VCAN: variants seen among roughly 807,000 people sequenced by gnomAD.
The protein encoded by VCAN is versican.
In VCAN, 44 loss-of-function variants were observed where a neutral mutation model predicts 245.5. That is an observed-to-expected ratio of 0.18 (90% CI 0.14 to 0.23). The LOEUF (loss-of-function observed/expected upper bound fraction) is 0.23, where lower values mean the gene tolerates loss of function less well. Among genes scored for constraint, VCAN ranks in the 10% least tolerant of loss-of-function variants. The probability of loss-of-function intolerance (pLI) is 1.00; values close to 1 mark genes in which losing one functional copy is unlikely to be tolerated. For missense variants in VCAN, 3,793 were observed against 4,057.9 expected (o/e 0.93, Z 1.77); for synonymous variants, 1,413 against 1,437.0 (o/e 0.98, Z 0.38).
intron 12 of VCAN, among the ~76,000 whole-genome samples, chr5:83,559,343 C>T (rs1747779170): frequency 6.6e-6 from 1 of 152,032 alleles, no homozygotes; most frequent in African/African-American, 2.4e-5. Context: ...GAACTCTTGT[C>T]GCTCCCTTAA....
intron 12 of VCAN, among the ~76,000 whole-genome samples, chr5:83,566,120 C>T (rs575251754): frequency 6.6e-6 from 1 of 151,896 alleles, no homozygotes; most frequent in Admixed American, 6.6e-5. Flanking sequence ...CCATGCCTGG[C>T]CAATTTTTTT....
rs1449839719 is a variant in VCAN, at chr5:83,539,267, TCCC to T, written c.6266_6268del (p.Pro2089del). On this transcript the variant is annotated inframe_deletion, in exon 8 of 15. Transcript: ENST00000265077. ...TCAGTGGCACAGTTTCAACAAACTT[TCCC>T]CAAACTATAGAGCCAGCCAAATTAT... is the stretch of plus-strand genomic sequence containing the variant. 6 of 1,613,964 alleles carry T rather than the reference TCCC, an allele frequency of 3.7e-6. No individual in the cohort carries two copies. The highest frequency in any genetic ancestry group is 5.1e-6 in the Non-Finnish European group (6 of 1,179,956).
At chr5:83,473,029 T>C (rs899201286) in intron 1 of VCAN, among the ~76,000 whole-genome samples, 1 of 152,162 alleles carries the variant, frequency 6.6e-6, no homozygotes, top group Non-Finnish European at 1.5e-5. Context: ...TTTCCTTACA[T>C]ATTCCCCACC....
At chr5:83,566,678 A>G (rs1304124815) in intron 12 of VCAN, among the ~76,000 whole-genome samples, 1 of 152,156 alleles carries the variant, frequency 6.6e-6, no homozygotes, top group Non-Finnish European at 1.5e-5. Context: ...TGAGTGAGAA[A>G]AATAGTCAAA....
At chr5:83,495,250 G>A (rs1465756879) in intron 5 of VCAN, among the ~76,000 whole-genome samples, 2 of 152,110 alleles carry the variant, frequency 1.3e-5, no homozygotes, top group Non-Finnish European at 2.9e-5. Context: ...TCTGTGAATT[G>A]AATAAGCAAT....
Position 83,572,419 on chromosome 5 carries a change from T to C in VCAN, c.9739T>C (p.Tyr3247His), listed in dbSNP as rs1748320663. The change falls in exon 13 of 15, where the codon TAC becomes CAC. Residue 3247 changes from tyrosine (Y) to histidine (H), a missense_variant. By Grantham distance (83) the Tyr-to-His change is moderately conservative (BLOSUM62 2). This residue lies in a region of VCAN where 205 missense variants were observed against 321.1 expected (regional missense o/e 0.64). Transcript: ENST00000265077. ...FRWTDGSTLQ[Y>H]ENWRPNQPDS... The stretch of plus-strand genomic sequence containing the variant: ...CCTTCTCCCTCCATTTTTACAGCAA[T>C]ACGAGAATTGGAGACCCAACCAGCC... 1 of 1,613,684 alleles carries C rather than the reference T, an allele frequency of 6.2e-7. No homozygotes were observed. Among genetic ancestry groups the C allele is most frequent in the African/African-American group, 1.3e-5 (1 of 74,898 alleles).
In VCAN at chr5:83,521,869, C is replaced by T. The variant is rs893124905; in HGVS notation, c.3563C>T (p.Pro1188Leu). Residue 1188 changes from proline (P) to leucine (L), a missense_variant, in exon 7 of 15, where the codon CCC becomes CTC. By Grantham distance (98) the Pro-to-Leu change is moderately conservative. This residue lies in a region of VCAN where 3,182 missense variants were observed against 3,250.3 expected (regional missense o/e 0.98). Coordinates refer to ENST00000265077, the MANE Select transcript of VCAN (RefSeq NM_004385.5). ...IDLGSGLFEK[P>L]KATELIEFST... ...TTAGGCTCAGGATTATTTGAAAAGC[C>T]CAAAGCCACAGAACTCATAGAATTT... The T allele has an allele frequency of 3.7e-6, 6 of 1,614,116 alleles. No individual in the cohort carries two copies. Among genetic ancestry groups the T allele is most frequent in the Non-Finnish European group, 5.1e-6 (6 of 1,180,030 alleles).
At chr5:83,572,200 C>G (rs1161281285) in intron 12 of VCAN, among the ~76,000 whole-genome samples, 2 of 151,974 alleles carry the variant, frequency 1.3e-5, no homozygotes, top group East Asian at 1.9e-4. Context: ...TATCTCATTG[C>G]CAAATAGTAG....
intron 12 of VCAN, among the ~76,000 whole-genome samples, chr5:83,562,551 C>T (rs1747906329): frequency 6.6e-6 from 1 of 152,028 alleles, no homozygotes; most frequent in Admixed American, 6.6e-5. Context: ...AGTGCAGTAG[C>T]ATCTCACAGA....
rs1228842387 is a variant in VCAN, at chr5:83,519,948, T to C, written c.1642T>C (p.Tyr548His). The change falls in exon 7 of 15, where the codon TAT (tyrosine) becomes CAT (histidine). Residue 548 changes from tyrosine (Y) to histidine (H), a missense_variant. By Grantham distance (83) the Tyr-to-His change is moderately conservative (BLOSUM62 2). This residue lies in a region of VCAN where 3,182 missense variants were observed against 3,250.3 expected (regional missense o/e 0.98). Coordinates refer to ENST00000265077, the MANE Select transcript of VCAN (RefSeq NM_004385.5). The part of the protein sequence containing the change: ...TVSELVTTGH[Y>H]GFTLGEEDDE... ...TTCTGAATTGGTAACCACAGGTCAC[T>C]ATGGATTCACCTTGGGAGAAGAGGA... The C allele has an allele frequency of 1.9e-6, 3 of 1,614,124 alleles. No individual in the cohort carries two copies. The highest frequency in any genetic ancestry group is 2.5e-6 in the Non-Finnish European group (3 of 1,179,972).
chr5:83,473,449 G>C (rs1019186175), intron 1 of VCAN, among the ~76,000 whole-genome samples: 3 of 152,116 alleles, frequency 2.0e-5, no homozygotes, highest in Non-Finnish European at 4.4e-5. Flanking sequence ...TCTGGGTCGC[G>C]TTCCTCATCT....
chr5:83,542,321 G>T, intron 8 of VCAN, 53 bp downstream of exon 8: 5 of 1,557,620 alleles, frequency 3.2e-6, no homozygotes, highest in Non-Finnish European at 4.4e-6. Flanking sequence ...CAGTCCCTTG[G>T]TGCTAACGTT....
chr5:83,517,134 A>G (rs879578788), intron 6 of VCAN, among the ~76,000 whole-genome samples: 5 of 152,254 alleles, frequency 3.3e-5, no homozygotes, highest in African/African-American at 4.8e-5. Flanking sequence ...CAGCAGGACT[A>G]GAGGAAGGAA....
Position 83,522,018 on chromosome 5 carries a change from A to G in VCAN, c.3712A>G (p.Arg1238Gly). Residue 1238 changes from arginine to glycine, a missense_variant, in exon 7 of 15, where the codon AGG (arginine) becomes GGG (glycine). By Grantham distance (125) the Arg-to-Gly change is moderately radical (BLOSUM62 -2). This residue lies in a region of VCAN where 3,182 missense variants were observed against 3,250.3 expected (regional missense o/e 0.98). Coordinates refer to ENST00000265077, the MANE Select transcript of VCAN (RefSeq NM_004385.5). ...CACTAAGAAACCACCTCTCATCGAC[A>G]GGGAACCTGGTGAAGAAACAACCAG... ...AITKKPPLIDREPGEETTSDM... is the reference protein window; with the variant it reads ...AITKKPPLIDGEPGEETTSDM... 6.2e-7 allele frequency: 1 copy of G among 1,614,198 alleles called. No individual in the cohort carries two copies. The highest frequency in any genetic ancestry group is 1.1e-5 in the South Asian group (1 of 91,086).
At chr5:83,513,538 C>T (rs183667221) in intron 6 of VCAN, among the ~76,000 whole-genome samples, 11 of 152,320 alleles carry the variant, frequency 7.2e-5, no homozygotes, top group Admixed American at 7.2e-4. Context: ...AGCCTCTGCT[C>T]TGATCTCCTC....
At position 83,493,790 on chromosome 5, in the gene VCAN, A is replaced by G; in HGVS notation, c.621-14A>G. Reference sequence around the variant, plus strand: ...GAGAAGAAAGTGCCACTAACTAGCCATTTATTTCCCCAGATATCCCATCCG... The same window carrying G: ...GAGAAGAAAGTGCCACTAACTAGCCGTTTATTTCCCCAGATATCCCATCCG... On this transcript the variant is annotated splice_polypyrimidine_tract_variant and intron_variant, in intron 4 of 14. Transcript: ENST00000265077. 1 of 1,614,120 alleles carries G rather than the reference A, an allele frequency of 6.2e-7. No individual in the cohort carries two copies. The highest frequency in any genetic ancestry group is 8.5e-7 in the Non-Finnish European group (1 of 1,180,000).
rs1031231163 is a variant in VCAN at position 83,511,236 on chromosome 5, G to C, written c.749-867G>C. Among the ~76,000 whole-genome samples, 59 of 147,382 alleles carry C rather than the reference G, an allele frequency of 4.0e-4. 1 individual carries two copies. Among genetic ancestry groups the C allele is most frequent in the Admixed American group, 3.6e-3 (53 of 14,756 alleles). ...AGCTCACTGCAACCTCTGCCTCCCGGGTTCAAGCGATTCTCCTAAAAAAAA... is the reference window on the plus strand; with the variant it reads ...AGCTCACTGCAACCTCTGCCTCCCGCGTTCAAGCGATTCTCCTAAAAAAAA... On this transcript the variant is annotated intron_variant, in intron 5 of 14. Transcript: ENST00000265077.
rs766303164 is a variant in VCAN at position 83,580,092 on chromosome 5, A to G, written c.9993A>G (p.Gln3331=). The change falls in exon 14 of 15, where the codon CAA becomes CAG. Residue 3331 remains glutamine (Q), a synonymous_variant. Coordinates refer to ENST00000265077, the MANE Select transcript of VCAN (RefSeq NM_004385.5). ...IRYHCKDGFI[Q]RHLPTIRCLG... is the part of the protein sequence containing the mutation. Reference sequence around the variant, plus strand: ...ACCACTGCAAAGATGGTTTCATTCAACGTCACCTTCCAACTATCCGGTGCT... The same window carrying G: ...ACCACTGCAAAGATGGTTTCATTCAGCGTCACCTTCCAACTATCCGGTGCT... The G allele has an allele frequency of 2.5e-6, 4 of 1,614,110 alleles. No homozygotes were observed. In the South Asian group the frequency reaches 4.4e-5, roughly 18 times the overall value.
At position 83,552,212 on chromosome 5, in the gene VCAN, C is replaced by T. The variant is rs372122851; in HGVS notation, c.9494-1152C>T. ...AGTAACAGGAATAAGAGTCAAGAGACAATCTGAGTTTCAATTTGGCCACCA... is the reference window on the plus strand; with the variant it reads ...AGTAACAGGAATAAGAGTCAAGAGATAATCTGAGTTTCAATTTGGCCACCA... On this transcript the variant is annotated intron_variant, in intron 10 of 14. Transcript: ENST00000265077. Among the ~76,000 whole-genome samples, 15 of 152,242 alleles carry T rather than the reference C, an allele frequency of 9.9e-5. No homozygotes were observed. In the East Asian group the frequency reaches 1.2e-3, roughly 12 times the overall value.
Sources: gnomAD v4.1 joint callset for allele counts (sites outside exome capture counted in the v4.1 genomes callset) on GRCh38, gnomAD v4.1.1 for gene constraint, gnomAD v4.1.1 regional missense constraint, MANE v1.5 for transcripts, NCBI Gene and HGNC (gene_info 2026-07-23, HGNC 2026-07-21) for gene names.